The following SOX6 variants were observed in gnomAD, a reference collection of about 807,000 sequenced individuals.
The protein encoded by SOX6 is transcription factor SOX-6.
A neutral mutation model predicts 97.8 loss-of-function variants in SOX6; 11 were observed. That is an observed-to-expected ratio of 0.11 (90% CI 0.07 to 0.19). The LOEUF (loss-of-function observed/expected upper bound fraction) is 0.19. Ranked by LOEUF, SOX6 falls within the 10% of genes least tolerant of loss-of-function variation. The pLI, the probability that SOX6 is intolerant of heterozygous loss-of-function variation, is 1.00. For synonymous variants in SOX6, 360 were observed against 371.4 expected, an observed-to-expected ratio of 0.97 and a Z score of 0.35; for missense variants, 810 against 1,039.5, an observed-to-expected ratio of 0.78 and a Z score of 3.04.
At chr11:16,301,459 C>T (rs1490517887) in intron 3 of SOX6, among the ~76,000 whole-genome samples, 1 of 152,060 alleles carries the variant, frequency 6.6e-6, no homozygotes, top group Non-Finnish European at 1.5e-5. Flanking sequence ...GGAGAGATTG[C>T]TAAAACACAG....
intron 4 of SOX6, among the ~76,000 whole-genome samples, chr11:16,485,323 C>A (rs2133127722): frequency 6.6e-6 from 1 of 152,360 alleles, no homozygotes; most frequent in East Asian, 1.9e-4. Flanking sequence ...CAGTGATTCA[C>A]ACCTGTTATC....
At chr11:16,631,902 T>A (rs188206530) in intron 3 of SOX6, among the ~76,000 whole-genome samples, 230 of 152,318 alleles carry the variant, frequency 1.5e-3, no homozygotes, top group Non-Finnish European at 2.5e-3. Context: ...TATTTCAAAA[T>A]TCTTTAAGTG....
At chr11:16,380,417 A>G (rs1857777182) in intron 1 of SOX6, among the ~76,000 whole-genome samples, 1 of 152,002 alleles carries the variant, frequency 6.6e-6, no homozygotes, top group Non-Finnish European at 1.5e-5. Context: ...TCTTTTTCAT[A>G]TTTTCTGACT....
chr11:16,097,519 C>T, intron 8 of SOX6, 90 bp downstream of exon 8: 2 of 1,105,276 alleles, frequency 1.8e-6, no homozygotes, highest in Non-Finnish European at 2.7e-6. Context: ...AATTATTTAA[C>T]ATTCAGGCCA....
rs1411211083 is a variant in SOX6, at chr11:15,969,962, C to G, written c.*2847G>C. The stretch of plus-strand genomic sequence containing the variant: ...TAGCCTTTCATTTTTAAGAACATGG[C>G]TAAAAGTAAATGAACCCCAGTACTG... On this transcript the variant is annotated 3_prime_UTR_variant, in exon 16 of 16. Transcript: ENST00000683767. 6 of 152,106 alleles carry G rather than the reference C, an allele frequency of 3.9e-5. No homozygotes were observed. Among genetic ancestry groups the G allele is most frequent in the African/African-American group, 1.4e-4 (6 of 41,414 alleles). 9.4% of individuals were successfully genotyped at this position (152,106 alleles called of 1,614,324 possible).
intron 3 of SOX6, among the ~76,000 whole-genome samples, chr11:16,668,759 C>G (rs1847826037): frequency 6.6e-6 from 1 of 152,050 alleles, no homozygotes; most frequent in Non-Finnish European, 1.5e-5. Context: ...AGTAGCTACA[C>G]TTAGACGAAA....
At chr11:16,370,015 C>T (rs1026199148) in intron 1 of SOX6, among the ~76,000 whole-genome samples, 14 of 152,090 alleles carry the variant, frequency 9.2e-5, no homozygotes, top group Non-Finnish European at 1.5e-4. Context: ...CTAAGCCCCT[C>T]GCAAGTACCA....
chr11:16,059,134 C>A (rs1192764822), intron 9 of SOX6, among the ~76,000 whole-genome samples: 2 of 151,982 alleles, frequency 1.3e-5, no homozygotes, highest in Non-Finnish European at 2.9e-5. Flanking sequence ...TTCTCATATT[C>A]CAAATTTTTT....
intron 2 of SOX6, among the ~76,000 whole-genome samples, chr11:16,328,263 A>G (rs1014322871): frequency 2.6e-5 from 4 of 152,192 alleles, no homozygotes; most frequent in African/African-American, 9.6e-5. Context: ...ACTATGGTAT[A>G]TATTCTCCTT....
At chr11:16,425,912 G>T (rs1859118251) in intron 1 of SOX6, among the ~76,000 whole-genome samples, 1 of 151,814 alleles carries the variant, frequency 6.6e-6, no homozygotes, top group South Asian at 2.1e-4. Flanking sequence ...TAGATTCAAT[G>T]CTATTCCTAG....
At chr11:16,522,201 A>G (rs1464092278) in intron 4 of SOX6, among the ~76,000 whole-genome samples, 1 of 152,216 alleles carries the variant, frequency 6.6e-6, no homozygotes, top group Non-Finnish European at 1.5e-5. Flanking sequence ...AGTTGAAATG[A>G]AGGAAAAAAT....
At chr11:16,126,353 G>C (rs1205641576) in intron 6 of SOX6, among the ~76,000 whole-genome samples, 2 of 152,046 alleles carry the variant, frequency 1.3e-5, no homozygotes, top group Admixed American at 6.6e-5. Flanking sequence ...ATTTTAAAAG[G>C]CTGGGCTAGC....
chr11:16,143,571 G>C (rs2134043681), intron 6 of SOX6, among the ~76,000 whole-genome samples: 1 of 152,272 alleles, frequency 6.6e-6, no homozygotes, highest in East Asian at 1.9e-4. Flanking sequence ...TGGATATAGA[G>C]TCAAGACCCA....
chr11:16,362,645 T>G (rs2134378893), intron 1 of SOX6, among the ~76,000 whole-genome samples: 1 of 151,922 alleles, frequency 6.6e-6, no homozygotes, highest in African/African-American at 2.4e-5. Context: ...GTGGGGGAGC[T>G]AGAGTCTGGA....
rs140310050 is a variant in SOX6 at position 16,453,981 on chromosome 11, G to A, written c.-5+22334C>T. ...TGCTGATATAAGTGAATTGGGAATT[G>A]GATGCTCTGTGGAACTTTATAAACA... is the stretch of plus-strand genomic sequence containing the variant. On this transcript the variant is annotated intron_variant, in intron 1 of 15. Coordinates refer to the SOX6 transcript ENST00000396356. Among the ~76,000 whole-genome samples, 694 of 152,206 alleles carry A rather than the reference G, an allele frequency of 4.6e-3. 2 individuals are homozygous for A. Among genetic ancestry groups the A allele is most frequent in the Non-Finnish European group, 7.6e-3 (514 of 67,960 alleles).
chr11:16,639,559 C>A lies in SOX6; in HGVS notation n.430-27299G>T, dbSNP rs1848858686. Among the ~76,000 whole-genome samples, 3 of 152,144 alleles carry A rather than the reference C, an allele frequency of 2.0e-5. No homozygotes were observed. The South Asian group carries it at 6.2e-4, about 31-fold the overall frequency. On this transcript the variant is annotated intron_variant and non_coding_transcript_variant, in intron 3 of 5. Transcript: ENST00000524520. ...TTCCTACCCATGAGCATGGAGTGTT[C>A]TTCCAGTTGTTTGTATCCTCTTTTA...
intron 4 of SOX6, among the ~76,000 whole-genome samples, chr11:16,191,015 T>C (rs1043116175): frequency 6.6e-6 from 1 of 152,098 alleles, no homozygotes; most frequent in Non-Finnish European, 1.5e-5. Flanking sequence ...AACATGAAAC[T>C]TTACCATGGC....
chr11:16,290,200 C>T (rs918983022), intron 3 of SOX6, among the ~76,000 whole-genome samples: 1 of 151,820 alleles, frequency 6.6e-6, no homozygotes, highest in African/African-American at 2.4e-5. Context: ...ACAACCAAAG[C>T]ACAATAAGAG....
chr11:16,019,821 T>G (rs1855000580), intron 12 of SOX6, among the ~76,000 whole-genome samples: 1 of 152,126 alleles, frequency 6.6e-6, no homozygotes, highest in Non-Finnish European at 1.5e-5. Flanking sequence ...GTTTTGTGTG[T>G]ATTCCTGACG....
Sources: gnomAD v4.1 joint callset for allele counts (sites outside exome capture counted in the v4.1 genomes callset) on GRCh38, gnomAD v4.1.1 for gene constraint, MANE v1.5 for transcripts, NCBI Gene and HGNC (gene_info 2026-07-23, HGNC 2026-07-21) for gene names.